Variants in QTMAN observed in about 807,000 individuals in gnomAD.
QTMAN encodes tRNA-queuosine alpha-mannosyltransferase.
At chr2:144,010,159 C>T in the QTMAN span, among the ~76,000 whole-genome samples, 1 of 151,166 alleles carries the variant, frequency 6.6e-6, no homozygotes, top group Admixed American at 6.6e-5. Context: ...TCATAAAATT[C>T]ATTTATATTG....
the QTMAN span, among the ~76,000 whole-genome samples, chr2:144,169,505 A>C: frequency 6.6e-6 from 1 of 152,074 alleles, no homozygotes; most frequent in Non-Finnish European, 1.5e-5. Context: ...TCTAAATATT[A>C]CCTCTTATGG....
chr2:144,057,118 T>C, the QTMAN span, among the ~76,000 whole-genome samples: 1 of 152,204 alleles, frequency 6.6e-6, no homozygotes, highest in Non-Finnish European at 1.5e-5. Context: ...AATATCAAGG[T>C]GGCCAAGACG....
chr2:144,194,032 G>A, the QTMAN span, among the ~76,000 whole-genome samples: 4 of 152,002 alleles, frequency 2.6e-5, no homozygotes, highest in Admixed American at 2.0e-4. Context: ...TAAGCACTAC[G>A]TTTTTTAAAA....
chr2:143,984,421 T>G, the QTMAN span, among the ~76,000 whole-genome samples: 8 of 152,332 alleles, frequency 5.3e-5, no homozygotes, highest in African/African-American at 1.9e-4. Flanking sequence ...GGAAGGGTAC[T>G]CCTTGAGTGC....
chr2:144,052,625 A>G, the QTMAN span, among the ~76,000 whole-genome samples: 23 of 152,260 alleles, frequency 1.5e-4, no homozygotes, highest in African/African-American at 5.1e-4. Flanking sequence ...CTGTGTCTGT[A>G]AAGTCTGTGT....
the QTMAN span, among the ~76,000 whole-genome samples, chr2:144,300,057 C>G: frequency 1.3e-5 from 2 of 152,114 alleles, no homozygotes; most frequent in Non-Finnish European, 2.9e-5. Context: ...TATGAGGTAC[C>G]TAGAGTAGTC....
chr2:144,004,935 T>G, the QTMAN span, among the ~76,000 whole-genome samples: 1 of 152,190 alleles, frequency 6.6e-6, no homozygotes, highest in South Asian at 2.1e-4. Flanking sequence ...GGCGGCTCAG[T>G]GTTTATTCCT....
the QTMAN span, among the ~76,000 whole-genome samples, chr2:143,967,886 A>C: frequency 6.6e-6 from 1 of 152,230 alleles, no homozygotes; most frequent in Admixed American, 6.5e-5. Context: ...GGAGGTAGCA[A>C]TACTGAACAG....
chr2:144,218,877 TCACA>T, the QTMAN span, among the ~76,000 whole-genome samples: 5 of 125,378 alleles, frequency 4.0e-5, no homozygotes, highest in Non-Finnish European at 8.0e-5. Flanking sequence ...GGCCATAATC[TCACA>T]ATTCAATTTG....
chr2:144,182,807 T>A, the QTMAN span, among the ~76,000 whole-genome samples: 9 of 13,102 alleles, frequency 6.9e-4, 2 homozygotes, highest in Non-Finnish European at 2.7e-3. Context: ...ATTATATATA[T>A]AATATATATA....
chr2:144,219,690 C>T, the QTMAN span, among the ~76,000 whole-genome samples: 3 of 152,016 alleles, frequency 2.0e-5, no homozygotes, highest in Admixed American at 6.5e-5. Context: ...GGTGTGGTGG[C>T]ACATGCCTGT....
At chr2:144,257,712 TCA>T in the QTMAN span, among the ~76,000 whole-genome samples, 2 of 152,194 alleles carry the variant, frequency 1.3e-5, no homozygotes, top group African/African-American at 4.8e-5. Flanking sequence ...GCATCTAACA[TCA>T]CACTTTTTTC....
At chr2:144,049,765 T>C in the QTMAN span, among the ~76,000 whole-genome samples, 2 of 152,186 alleles carry the variant, frequency 1.3e-5, no homozygotes, top group African/African-American at 4.8e-5. Flanking sequence ...ATACATAATG[T>C]CAGCAGCCTA....
chr2:143,949,479 G>A, the QTMAN span, among the ~76,000 whole-genome samples: 1 of 151,842 alleles, frequency 6.6e-6, no homozygotes, highest in Non-Finnish European at 1.5e-5. Context: ...ATAAGAAGTT[G>A]AAATGATTTT....
At chr2:143,977,312 C>G in the QTMAN span, among the ~76,000 whole-genome samples, 1 of 152,030 alleles carries the variant, frequency 6.6e-6, no homozygotes, top group Admixed American at 6.5e-5. Flanking sequence ...CAAACAGGTA[C>G]AAATAAGTAG....
At chr2:144,037,269 T>C in the QTMAN span, among the ~76,000 whole-genome samples, 1 of 152,250 alleles carries the variant, frequency 6.6e-6, no homozygotes, top group Non-Finnish European at 1.5e-5. Flanking sequence ...TTCTTTACTT[T>C]AAAATGGTTA....
the QTMAN span, among the ~76,000 whole-genome samples, chr2:144,264,117 T>C: frequency 2.0e-5 from 3 of 152,212 alleles, no homozygotes; most frequent in Non-Finnish European, 4.4e-5. Context: ...ACCTCATGTT[T>C]AAAATGCAGA....
At chr2:144,177,135 C>A in the QTMAN span, 2 of 702,280 alleles carry the variant, frequency 2.8e-6, no homozygotes, top group Non-Finnish European at 2.6e-6. Context: ...CAGGCCTCAC[C>A]TGCAACATTG....
chr2:144,321,250 T>C, the QTMAN span, among the ~76,000 whole-genome samples: 252 of 152,330 alleles, frequency 1.7e-3, no homozygotes, highest in Middle Eastern at 6.8e-3. Context: ...CTCTTGAGCA[T>C]TGCTTCAAAA....
Sources: allele counts gnomAD v4.1 joint callset (sites outside exome capture counted in the v4.1 genomes callset), GRCh38; gene constraint gnomAD v4.1.1; transcripts MANE v1.5; gene names NCBI Gene and HGNC (gene_info 2026-07-23, HGNC 2026-07-21).